CDK6: variants seen among roughly 807,000 people sequenced by gnomAD.
CDK6 encodes the protein cyclin-dependent kinase 6.
In CDK6, 6 loss-of-function variants were observed where a neutral mutation model predicts 37.1. The observed-to-expected ratio is 0.16, with a 90% CI of 0.09 to 0.32. CDK6 has a LOEUF of 0.32. CDK6 is among the 10% of genes least tolerant of loss of function. The pLI is 1.00. For synonymous variants in CDK6, 160 were observed against 161.3 expected (o/e 0.99, Z 0.06); for missense variants, 224 against 418.9 (o/e 0.53, Z 4.06).
At chr7:92,753,446 T>C (rs1384186471) in intron 3 of CDK6, among the ~76,000 whole-genome samples, 2 of 152,218 alleles carry the variant, frequency 1.3e-5, no homozygotes, top group Admixed American at 1.3e-4. Flanking sequence ...AATACTTTTA[T>C]TTCTCAATTT....
rs192180206 is a variant in CDK6, at chr7:92,625,753, C to T, written c.648-2667G>A. ...TTTAGAAGTTGGGTATGTTTTTTAACAGATGAGAAGTGTATACTGGTATGT... is the reference window on the plus strand; with the variant it reads ...TTTAGAAGTTGGGTATGTTTTTTAATAGATGAGAAGTGTATACTGGTATGT... On this transcript the variant is annotated intron_variant, in intron 5 of 7. Coordinates refer to ENST00000424848, the MANE Select transcript of CDK6 (RefSeq NM_001145306.2). Among the ~76,000 whole-genome samples the T allele has an allele frequency of 3.2e-4, 48 of 152,092 alleles. No individual in the cohort carries two copies. In the East Asian group the frequency reaches 7.3e-3, roughly 23 times the overall value.
intron 3 of CDK6, among the ~76,000 whole-genome samples, chr7:92,756,288 AC>A (rs2115701336): frequency 6.6e-6 from 1 of 152,328 alleles, no homozygotes; most frequent in South Asian, 2.1e-4. Context: ...TAAGATTTTT[AC>A]AACAAATTTG....
chr7:92,726,590 T>C lies in CDK6; in HGVS notation c.370-797A>G, dbSNP rs1229173625. The stretch of plus-strand genomic sequence containing the variant: ...CATGCTAGGCTAATGTTTTTAGTTT[T>C]TGCAGAGATGCGATCTCACTATGTT... On this transcript the variant is annotated intron_variant, in intron 3 of 7. Coordinates refer to ENST00000424848, the MANE Select transcript of CDK6 (RefSeq NM_001145306.2). 2.0e-5 allele frequency among the ~76,000 whole-genome samples: 3 copies of C among 152,134 alleles called. No homozygotes were observed. The East Asian group carries it at 5.8e-4, about 29-fold the overall frequency.
At chr7:92,791,409 C>T (rs1347787185) in intron 2 of CDK6, among the ~76,000 whole-genome samples, 1 of 152,008 alleles carries the variant, frequency 6.6e-6, no homozygotes, top group Non-Finnish European at 1.5e-5. Context: ...TTTTAATATC[C>T]CAAATGTGAA....
At chr7:92,665,263 C>T (rs891068008) in intron 5 of CDK6, among the ~76,000 whole-genome samples, 4 of 147,672 alleles carry the variant, frequency 2.7e-5, no homozygotes, top group African/African-American at 1.0e-4. Context: ...TCACAACCAT[C>T]CAATCATCCA....
intron 2 of CDK6, among the ~76,000 whole-genome samples, chr7:92,789,855 C>A (rs1010963706): frequency 1.3e-5 from 2 of 152,154 alleles, no homozygotes; most frequent in African/African-American, 4.8e-5. Flanking sequence ...AGAACAGAGA[C>A]AAGAGGCAGA....
chr7:92,831,115 C>T (rs1801467926), intron 2 of CDK6, among the ~76,000 whole-genome samples: 2 of 152,200 alleles, frequency 1.3e-5, no homozygotes, highest in Admixed American at 6.5e-5. Flanking sequence ...AAAACAATGC[C>T]TTTGTCTTCA....
chr7:92,771,554 C>T (rs1439079266), intron 3 of CDK6, among the ~76,000 whole-genome samples: 1 of 152,086 alleles, frequency 6.6e-6, no homozygotes, highest in Admixed American at 6.6e-5. Flanking sequence ...TACCCCTAAA[C>T]TACTTAAATA....
intron 3 of CDK6, among the ~76,000 whole-genome samples, chr7:92,727,426 T>G (rs925876021): frequency 2.6e-5 from 4 of 152,194 alleles, no homozygotes; most frequent in Non-Finnish European, 5.9e-5. Flanking sequence ...AGCCTTAGTT[T>G]TTCCTTTTAT....
intron 2 of CDK6, among the ~76,000 whole-genome samples, chr7:92,784,213 T>G (rs900123543): frequency 2.6e-5 from 4 of 152,170 alleles, no homozygotes; most frequent in African/African-American, 9.7e-5. Flanking sequence ...ACTAACCATG[T>G]GGATCATTAT....
At chr7:92,735,001 C>T (rs968362044) in intron 3 of CDK6, among the ~76,000 whole-genome samples, 1 of 152,162 alleles carries the variant, frequency 6.6e-6, no homozygotes, top group Non-Finnish European at 1.5e-5. Flanking sequence ...AGCTTAAGTA[C>T]CTTATCCTCT....
At position 92,833,147 on chromosome 7, in the gene CDK6, G is replaced by T. The variant is rs1801535957; in HGVS notation, c.177C>A (p.Ile59=). 6.2e-7 allele frequency: 1 copy of T among 1,609,368 alleles called. No homozygotes were observed. The highest frequency in any genetic ancestry group is 2.2e-5 in the East Asian group (1 of 44,690). ...GGTGCCTCAGCACCGCCACCTCGCGGATGGTGGAGAGCGGCATGCCCTCCT... is the reference window on the plus strand; with the variant it reads ...GGTGCCTCAGCACCGCCACCTCGCGTATGGTGGAGAGCGGCATGCCCTCCT... ...TGEEGMPLST[I]REVAVLRHLE... The change falls in exon 2 of 8, where the codon ATC becomes ATA. Residue 59 remains isoleucine, a synonymous_variant. Transcript: ENST00000424848. The surrounding 1 kb of genome is among the most constrained non-coding windows in gnomAD (Gnocchi z 6.1).
chr7:92,808,067 A>G (rs2115928326), intron 2 of CDK6, among the ~76,000 whole-genome samples: 1 of 152,336 alleles, frequency 6.6e-6, no homozygotes, highest in East Asian at 1.9e-4. Context: ...ACGCAAGTTA[A>G]CAGATGACTC....
chr7:92,801,449 C>T (rs1800572763), intron 2 of CDK6, among the ~76,000 whole-genome samples: 1 of 152,038 alleles, frequency 6.6e-6, no homozygotes, highest in South Asian at 2.1e-4. Context: ...AATTTTAAAG[C>T]TAGAGGTCAT....
At chr7:92,641,986 C>T (rs999399416) in intron 5 of CDK6, among the ~76,000 whole-genome samples, 2 of 152,140 alleles carry the variant, frequency 1.3e-5, no homozygotes, top group African/African-American at 4.8e-5. Flanking sequence ...TGGTGAGACA[C>T]CATCATTTTC....
At chr7:92,707,202 T>C (rs1335057785) in intron 4 of CDK6, among the ~76,000 whole-genome samples, 1 of 152,220 alleles carries the variant, frequency 6.6e-6, no homozygotes, top group Admixed American at 6.5e-5. Context: ...TTTTCATGTA[T>C]TAACTCATTT....
chr7:92,639,904 T>C (rs1355965246), intron 5 of CDK6, among the ~76,000 whole-genome samples: 1 of 152,178 alleles, frequency 6.6e-6, no homozygotes, highest in African/African-American at 2.4e-5. Flanking sequence ...TGCTAGCCAG[T>C]GAAAGCCAAA....
chr7:92,709,064 G>C (rs940404365), intron 4 of CDK6, among the ~76,000 whole-genome samples: 2 of 151,406 alleles, frequency 1.3e-5, no homozygotes, highest in East Asian at 1.9e-4. Flanking sequence ...TGTTTTCCCC[G>C]GATCTACATT....
At chr7:92,805,821 T>C (rs1218166387) in intron 2 of CDK6, among the ~76,000 whole-genome samples, 1 of 152,192 alleles carries the variant, frequency 6.6e-6, no homozygotes, top group Admixed American at 6.5e-5. Context: ...TGGGTCTCTA[T>C]TATTTCCAAT....
Sources: gnomAD v4.1 joint callset for allele counts (sites outside exome capture counted in the v4.1 genomes callset) on GRCh38, gnomAD v4.1.1 for gene constraint, Gnocchi (gnomAD v3.1) non-coding constraint, MANE v1.5 for transcripts, NCBI Gene and HGNC (gene_info 2026-07-23, HGNC 2026-07-21) for gene names.